Variants in EBF2 observed in about 807,000 individuals in gnomAD.
The protein encoded by EBF2 is transcription factor COE2.
EBF2 carries 21 observed loss-of-function variants against 72.8 expected under a neutral mutation model. The ratio of observed to expected loss-of-function variants is 0.29; its 90% CI spans 0.20 to 0.42. The LOEUF (loss-of-function observed/expected upper bound fraction) is 0.42, where lower values mean the gene tolerates loss of function less well. Ranked by LOEUF, EBF2 falls within the 10% of genes least tolerant of loss-of-function variation. The pLI is 1.00. For missense variants in EBF2, 637 were observed against 731.2 expected (o/e 0.87, Z 1.49); for synonymous variants, 299 against 274.2 (o/e 1.09, Z -0.89).
At chr8:25,986,046 G>T (rs1443688553) in intron 6 of EBF2, among the ~76,000 whole-genome samples, 1 of 143,032 alleles carries the variant, frequency 7.0e-6, no homozygotes. Flanking sequence ...GGTTGGGAAG[G>T]TTTCATGAGC....
At chr8:25,887,229 C>A (rs1802705274) in intron 9 of EBF2, among the ~76,000 whole-genome samples, 2 of 152,064 alleles carry the variant, frequency 1.3e-5, no homozygotes, top group African/African-American at 4.8e-5. Context: ...GGCCAAGTCC[C>A]TCCCACCTCC....
At chr8:25,863,675 A>G (rs1215471924) in intron 10 of EBF2, among the ~76,000 whole-genome samples, 5 of 152,194 alleles carry the variant, frequency 3.3e-5, no homozygotes, top group African/African-American at 1.2e-4. Context: ...AGTAATGTCT[A>G]TTTCCTCTTT....
rs1435131555 is a variant in EBF2 at position 25,845,329 on chromosome 8, G to GTGAT, written c.1697-693_1697-690dup. The stretch of plus-strand genomic sequence containing the variant: ...GCTCACTGCAACCTCCTGGGTTCAA[G>GTGAT]TGATTCTCCTGCCTCAGCCTCTGCC... On this transcript the variant is annotated intron_variant, in intron 15 of 15. Coordinates refer to ENST00000520164, the MANE Select transcript of EBF2 (RefSeq NM_022659.4). 7.4e-5 allele frequency among the ~76,000 whole-genome samples: 11 copies of GTGAT among 149,000 alleles called. No individual in the cohort carries two copies. In the South Asian group the frequency reaches 2.3e-3, roughly 31 times the overall value.
chr8:25,874,957 AT>A (rs1802498089), intron 10 of EBF2, among the ~76,000 whole-genome samples: 1 of 150,046 alleles, frequency 6.7e-6, no homozygotes, highest in South Asian at 2.1e-4. Flanking sequence ...AAGTACTGGA[AT>A]TTCAGGGGGG....
At chr8:25,951,464 T>G (rs1216585898) in intron 6 of EBF2, among the ~76,000 whole-genome samples, 3 of 152,204 alleles carry the variant, frequency 2.0e-5, no homozygotes, top group Non-Finnish European at 2.9e-5. Context: ...CTGGATGGAA[T>G]CCACCCCCTC....
At chr8:26,012,870 T>C (rs1805049189) in intron 6 of EBF2, among the ~76,000 whole-genome samples, 1 of 152,200 alleles carries the variant, frequency 6.6e-6, no homozygotes, top group African/African-American at 2.4e-5. Flanking sequence ...GGCCTTCTGT[T>C]ATCCATTCAT....
chr8:26,032,940 T>G lies in EBF2; in HGVS notation c.551+145A>C, dbSNP rs1428577609. 14 of 681,044 alleles carry G rather than the reference T, an allele frequency of 2.1e-5. No homozygotes were observed. In the East Asian group the frequency reaches 2.6e-4, roughly 13 times the overall value. The allele number at this position is 681,044 out of a possible 1,614,324, so 42.2% of individuals were successfully genotyped here. A position where few individuals can be genotyped will look rare whatever the true frequency, so the allele number is the denominator to read the frequency against. ...TGGCTTCTTCCAAGAAAGGCCAGCA[T>G]GAGGAGGCCTTTGTTGGATGAGCTT... On this transcript the variant is annotated intron_variant, in intron 6 of 15. Transcript: ENST00000520164.
chr8:25,988,531 A>G (rs1003657301), intron 6 of EBF2, among the ~76,000 whole-genome samples: 2 of 152,194 alleles, frequency 1.3e-5, no homozygotes, highest in African/African-American at 2.4e-5. Flanking sequence ...GGCTCATATG[A>G]TCTCAGCTTC....
chr8:25,905,918 C>T (rs1264323806), intron 7 of EBF2, among the ~76,000 whole-genome samples: 5 of 152,316 alleles, frequency 3.3e-5, no homozygotes, highest in Middle Eastern at 6.8e-3. Flanking sequence ...AGAGAATCCA[C>T]AAAGTCTAAA....
Position 25,956,217 on chromosome 8 carries a change from G to C in EBF2, c.552-47662C>G, listed in dbSNP as rs1255075956. Among the ~76,000 whole-genome samples the C allele has an allele frequency of 2.6e-5, 4 of 152,032 alleles. No homozygotes were observed. In the East Asian group the frequency reaches 7.7e-4, roughly 29 times the overall value. ...GCAGATCACCTGAGGTCGGGAGTTCGAGACCAGCCTGACCAACATGGAGAA... is the reference window on the plus strand; with the variant it reads ...GCAGATCACCTGAGGTCGGGAGTTCCAGACCAGCCTGACCAACATGGAGAA... On this transcript the variant is annotated intron_variant, in intron 6 of 15. Coordinates refer to ENST00000520164, the MANE Select transcript of EBF2 (RefSeq NM_022659.4).
At chr8:26,041,427 C>G (rs557021008) in intron 2 of EBF2, 2 of 199,130 alleles carry the variant, frequency 1.0e-5, no homozygotes, top group Non-Finnish European at 2.1e-5. Context: ...GCGAGGACTG[C>G]GCACGCAGGG....
At chr8:25,985,961 C>T (rs1000332219) in intron 6 of EBF2, among the ~76,000 whole-genome samples, 2 of 130,314 alleles carry the variant, frequency 1.5e-5, no homozygotes, top group Admixed American at 1.9e-4. Flanking sequence ...GTGATCACAC[C>T]ACTGCACACC....
intron 6 of EBF2, among the ~76,000 whole-genome samples, chr8:26,005,267 TA>T (rs1173886069): frequency 8.0e-4 from 6 of 7,540 alleles, no homozygotes; most frequent in African/African-American, 2.3e-3. Flanking sequence ...ATATAATATA[TA>T]ATATATATAA....
chr8:26,020,091 C>T (rs1170671331), intron 6 of EBF2, among the ~76,000 whole-genome samples: 2 of 152,216 alleles, frequency 1.3e-5, no homozygotes, highest in Non-Finnish European at 1.5e-5. Context: ...CCAAACCACC[C>T]TTACTCAGGC....
Position 25,842,651 on chromosome 8 carries a change from T to C in EBF2, c.*1958A>G, listed in dbSNP as rs1801761343. 1 of 152,186 alleles carries C rather than the reference T, an allele frequency of 6.6e-6. No individual in the cohort carries two copies. The highest frequency in any genetic ancestry group is 1.5e-5 in the Non-Finnish European group (1 of 68,030). The allele number at this position is 152,186 out of a possible 1,614,324, so 9.4% of individuals were successfully genotyped here. On this transcript the variant is annotated 3_prime_UTR_variant, in exon 16 of 16. Transcript: ENST00000520164. ...GCTTTAAGCCCTGACTATGAGGGAC[T>C]GTCAGCAGTAGTTATAAGCATGCCA...
At chr8:25,966,393 C>T (rs149999133) in intron 6 of EBF2, among the ~76,000 whole-genome samples, 2 of 152,350 alleles carry the variant, frequency 1.3e-5, no homozygotes, top group African/African-American at 2.4e-5. Flanking sequence ...CAAGCCTGTT[C>T]CTAGAAGCTC....
At chr8:26,040,155 G>A in intron 4 of EBF2, 54 bp from the exon 5 acceptor site, 2 of 1,564,470 alleles carry the variant, frequency 1.3e-6, no homozygotes, top group South Asian at 2.2e-5. Context: ...TGGGGGGCAA[G>A]GAAAGAAGGG....
chr8:25,976,651 C>CA (rs368925787), intron 6 of EBF2, among the ~76,000 whole-genome samples: 69 of 151,690 alleles, frequency 4.5e-4, no homozygotes, highest in Non-Finnish European at 6.0e-4. Context: ...CAAAACAAAA[C>CA]AAAAATCTTC....
Position 26,044,324 on chromosome 8 carries a change from A to G in EBF2, c.131+405T>C, listed in dbSNP as rs4872386. 0.31 allele frequency among the ~76,000 whole-genome samples: 47,526 copies of G among 152,164 alleles called. 8,024 individuals carry two copies. Among genetic ancestry groups the G allele is most frequent in the African/African-American group, 0.43 (17,678 of 41,520 alleles). On this transcript the variant is annotated intron_variant, in intron 1 of 15. Transcript: ENST00000520164. This position sits in a 1 kb window ranked among gnomAD's most constrained non-coding sequence, Gnocchi z 4.1. ...CGCTCGCAGGCGGCGTGGCGAAGCC[A>G]AGAGTGGCCAGGAAGCCGGCTTTCC...
Sources: allele counts gnomAD v4.1 joint callset (sites outside exome capture counted in the v4.1 genomes callset), GRCh38; gene constraint gnomAD v4.1.1; non-coding constraint Gnocchi (gnomAD v3.1); transcripts MANE v1.5; gene names NCBI Gene and HGNC (gene_info 2026-07-23, HGNC 2026-07-21).